Variants in OSBPL6 observed in about 807,000 individuals in gnomAD.
The protein encoded by OSBPL6 is oxysterol binding protein like 6.
OSBPL6 carries 49 observed loss-of-function variants against 125.8 expected under a neutral mutation model. That is an observed-to-expected ratio of 0.39 (90% CI 0.31 to 0.49). The LOEUF is 0.49. OSBPL6 is among the 20% of genes least tolerant of loss of function. OSBPL6 has a pLI of 0.88. For synonymous variants in OSBPL6, 394 were observed against 391.8 expected, an observed-to-expected ratio of 1.01 and a Z score of -0.07; for missense variants, 986 against 1,135.4, an observed-to-expected ratio of 0.87 and a Z score of 1.89.
chr2:178,209,735 C>A (rs913761710), intron 1 of OSBPL6, among the ~76,000 whole-genome samples: 5 of 151,940 alleles, frequency 3.3e-5, no homozygotes, highest in African/African-American at 1.2e-4. Context: ...ATGGACAGAG[C>A]TGGTCCTGTA....
At chr2:178,336,058 G>C (rs1689654766) in intron 8 of OSBPL6, among the ~76,000 whole-genome samples, 1 of 152,208 alleles carries the variant, frequency 6.6e-6, no homozygotes, top group South Asian at 2.1e-4. Context: ...GTAATTATGA[G>C]ATACAACACA....
At position 178,255,261 on chromosome 2, in the gene OSBPL6, G is replaced by A. The variant is rs575178680; in HGVS notation, c.-350-29666G>A. ...AGAAGTTGCATCAAGCTGAGATTGTGGCACTGCACTCCAGCCTGGCCACGC... is the reference window on the plus strand; with the variant it reads ...AGAAGTTGCATCAAGCTGAGATTGTAGCACTGCACTCCAGCCTGGCCACGC... On this transcript the variant is annotated intron_variant, in intron 1 of 24. Transcript: ENST00000190611. Among the ~76,000 whole-genome samples, 5 of 152,356 alleles carry A rather than the reference G, an allele frequency of 3.3e-5. No homozygotes were observed. In the South Asian group the frequency reaches 1.0e-3, roughly 32 times the overall value.
intron 18 of OSBPL6, 93 bp downstream of exon 18, chr2:178,384,269 G>C: frequency 4.1e-6 from 6 of 1,459,236 alleles, no homozygotes; most frequent in Non-Finnish European, 5.6e-6. Context: ...GTTGGGATGG[G>C]TTATGATACC....
rs72951378 is a variant in OSBPL6, at chr2:178,327,909, A to C, written c.196-347A>C. On this transcript the variant is annotated intron_variant, in intron 4 of 24. Transcript: ENST00000190611. ...TTGTCATCAAAGTAGTCTTATTTTG[A>C]AACTTTAAAGTGCCTCTGTGTTCAG... 5.3e-3 allele frequency among the ~76,000 whole-genome samples: 802 copies of C among 152,284 alleles called. 4 individuals are homozygous for C. The highest frequency in any genetic ancestry group is 8.9e-3 in the Non-Finnish European group (602 of 68,002).
intron 3 of OSBPL6, among the ~76,000 whole-genome samples, chr2:178,317,566 C>T (rs1471590554): frequency 6.7e-6 from 1 of 148,844 alleles, no homozygotes; most frequent in Non-Finnish European, 1.5e-5. Flanking sequence ...CATATATTCT[C>T]ATAAATATAA....
intron 12 of OSBPL6, among the ~76,000 whole-genome samples, chr2:178,359,276 A>G (rs916086168): frequency 2.6e-5 from 4 of 152,376 alleles, no homozygotes; most frequent in African/African-American, 9.6e-5. Flanking sequence ...CAAAGATGAC[A>G]TAAAAATGAC....
At chr2:178,204,030 T>C (rs929998200) in intron 1 of OSBPL6, among the ~76,000 whole-genome samples, 4 of 149,820 alleles carry the variant, frequency 2.7e-5, no homozygotes, top group Non-Finnish European at 5.9e-5. Context: ...TTTTTCTTTT[T>C]TTTTTTTTTT....
rs930035637 is a variant in OSBPL6, at chr2:178,402,132, A to G, written c.*6573A>G. 1 of 151,608 alleles carries G rather than the reference A, an allele frequency of 6.6e-6. No homozygotes were observed. The highest frequency in any genetic ancestry group is 1.5e-5 in the Non-Finnish European group (1 of 67,882). The allele number at this position is 151,608 out of a possible 1,614,324, so 9.4% of individuals were successfully genotyped here. A position where few individuals can be genotyped will look rare whatever the true frequency, so the allele number is the denominator to read the frequency against. On this transcript the variant is annotated 3_prime_UTR_variant, in exon 25 of 25. Transcript: ENST00000190611. Reference sequence around the variant, plus strand: ...AAAAAAAGTAATAAAAAAGACATTTAAAAAAAAATTAGAGCTCAGTGACCT... The same window carrying G: ...AAAAAAAGTAATAAAAAAGACATTTGAAAAAAAATTAGAGCTCAGTGACCT...
chr2:178,365,198 T>A (rs2154100717), intron 13 of OSBPL6, among the ~76,000 whole-genome samples: 1 of 152,078 alleles, frequency 6.6e-6, no homozygotes, highest in Non-Finnish European at 1.5e-5. Flanking sequence ...AATAAAAAAC[T>A]TATTTAAGTA....
intron 1 of OSBPL6, among the ~76,000 whole-genome samples, chr2:178,250,966 A>G (rs1019042628): frequency 1.3e-5 from 2 of 152,134 alleles, no homozygotes; most frequent in Non-Finnish European, 2.9e-5. Flanking sequence ...AATAAAAAAA[A>G]AAAAAGAAAA....
chr2:178,385,407 A>G, intron 18 of OSBPL6, 51 bp from the exon 19 acceptor site: 1 of 1,274,536 alleles, frequency 7.8e-7, no homozygotes, highest in Non-Finnish European at 1.1e-6. Flanking sequence ...ATGGATGACC[A>G]TGTGGAAGTC....
At chr2:178,241,574 C>T (rs2153990499) in intron 1 of OSBPL6, among the ~76,000 whole-genome samples, 1 of 152,044 alleles carries the variant, frequency 6.6e-6, no homozygotes, top group South Asian at 2.1e-4. Flanking sequence ...CACTACTATG[C>T]CTGGCTAATT....
At chr2:178,212,001 G>A (rs953334922) in intron 1 of OSBPL6, among the ~76,000 whole-genome samples, 1 of 152,148 alleles carries the variant, frequency 6.6e-6, no homozygotes, top group Non-Finnish European at 1.5e-5. Context: ...TTGGGAAGTT[G>A]GGGGCTGCTT....
At chr2:178,333,417 A>T (rs1473265735) in intron 8 of OSBPL6, among the ~76,000 whole-genome samples, 1 of 152,198 alleles carries the variant, frequency 6.6e-6, no homozygotes, top group Non-Finnish European at 1.5e-5. Flanking sequence ...ATAAAAAAGA[A>T]AATTATGCAA....
At chr2:178,202,774 G>C (rs1483514916) in intron 1 of OSBPL6, among the ~76,000 whole-genome samples, 1 of 150,222 alleles carries the variant, frequency 6.7e-6, no homozygotes, top group Non-Finnish European at 1.5e-5. Context: ...GTAAGCTGAG[G>C]TTGTGCCACT....
intron 2 of OSBPL6, among the ~76,000 whole-genome samples, chr2:178,299,531 CTTTCTTTGT>C (rs1574799536): frequency 7.7e-6 from 1 of 130,124 alleles, no homozygotes. Flanking sequence ...TCCTTCCTTC[CTTTCTTTGT>C]TTTGTTTCTT....
At chr2:178,318,682 GCT>G (rs1687975919) in intron 3 of OSBPL6, among the ~76,000 whole-genome samples, 1 of 152,156 alleles carries the variant, frequency 6.6e-6, no homozygotes, top group Non-Finnish European at 1.5e-5. Context: ...CACGTTGACA[GCT>G]CTCTCACCAA....
chr2:178,240,605 TA>T (rs1471501778), intron 1 of OSBPL6, among the ~76,000 whole-genome samples: 8 of 151,886 alleles, frequency 5.3e-5, no homozygotes, highest in Admixed American at 4.6e-4. Flanking sequence ...TGTTTAGAAT[TA>T]GCCGGGTGTG....
chr2:178,231,363 G>A (rs571736287), intron 1 of OSBPL6, among the ~76,000 whole-genome samples: 5 of 152,238 alleles, frequency 3.3e-5, no homozygotes, highest in African/African-American at 4.8e-5. Flanking sequence ...AGATGGAGCC[G>A]CCATTTTGAA....
Sources: gnomAD v4.1 joint callset for allele counts (sites outside exome capture counted in the v4.1 genomes callset) on GRCh38, gnomAD v4.1.1 for gene constraint, MANE v1.5 for transcripts, NCBI Gene and HGNC (gene_info 2026-07-23, HGNC 2026-07-21) for gene names.